The following ZNF804B variants were observed in gnomAD, a reference collection of about 807,000 sequenced individuals.
ZNF804B encodes the protein zinc finger 804B.
In ZNF804B, 80 loss-of-function variants were observed where a neutral mutation model predicts 101.4. The ratio of observed to expected loss-of-function variants is 0.79; its 90% CI spans 0.66 to 0.95. The LOEUF (loss-of-function observed/expected upper bound fraction) is 0.95, where lower values mean the gene tolerates loss of function less well. ZNF804B is among the 40% of genes least tolerant of loss of function. ZNF804B has a pLI of 0.00. For missense variants in ZNF804B, 1,673 were observed against 1,561.9 expected (o/e 1.07, Z -1.20); for synonymous variants, 622 against 558.8 (o/e 1.11, Z -1.59).
intron 1 of ZNF804B, among the ~76,000 whole-genome samples, chr7:88,982,876 G>A (rs1430891812): frequency 1.3e-5 from 2 of 151,972 alleles, no homozygotes; most frequent in Non-Finnish European, 2.9e-5. Flanking sequence ...GAAGGAATCT[G>A]ACTCCAGATC....
chr7:89,089,638 A>G (rs1249547420), intron 1 of ZNF804B, among the ~76,000 whole-genome samples: 1 of 152,054 alleles, frequency 6.6e-6, no homozygotes, highest in Non-Finnish European at 1.5e-5. Flanking sequence ...ACAACATCAA[A>G]CAAAACATCT....
Position 89,084,681 on chromosome 7 carries a change from G to A in ZNF804B, c.109-133474G>A, listed in dbSNP as rs1386526239. ...ACATTGCTGACACTGATTTCTTAAT[G>A]TCTATAAATGTCTTCAAATGTTTAG... On this transcript the variant is annotated intron_variant, in intron 1 of 3. Transcript: ENST00000333190. 1.3e-5 allele frequency among the ~76,000 whole-genome samples: 2 copies of A among 151,854 alleles called. 1 individual carries two copies. The highest frequency in any genetic ancestry group is 2.9e-5 in the Non-Finnish European group (2 of 67,914).
chr7:89,188,865 A>C (rs546340302), intron 1 of ZNF804B, among the ~76,000 whole-genome samples: 20 of 152,152 alleles, frequency 1.3e-4, no homozygotes, highest in Non-Finnish European at 2.4e-4. Context: ...CATGAGGTTT[A>C]AAGAAAGAAG....
At chr7:89,002,635 A>G (rs1179012991) in intron 1 of ZNF804B, among the ~76,000 whole-genome samples, 1 of 151,842 alleles carries the variant, frequency 6.6e-6, no homozygotes, top group African/African-American at 2.4e-5. Context: ...CTATCATGTT[A>G]TTTACCTCTA....
At chr7:89,095,207 C>T (rs1028532991) in intron 1 of ZNF804B, among the ~76,000 whole-genome samples, 1 of 151,992 alleles carries the variant, frequency 6.6e-6, no homozygotes, top group African/African-American at 2.4e-5. Context: ...GAGGCTTTGT[C>T]TTTTTTGCCC....
intron 1 of ZNF804B, among the ~76,000 whole-genome samples, chr7:89,143,942 A>G (rs571688364): frequency 6.6e-6 from 1 of 152,124 alleles, no homozygotes; most frequent in South Asian, 2.1e-4. Flanking sequence ...ATGCTGGTAT[A>G]AAAGTCAAAC....
At chr7:88,923,550 A>G (rs1252191116) in intron 1 of ZNF804B, among the ~76,000 whole-genome samples, 1 of 152,120 alleles carries the variant, frequency 6.6e-6, no homozygotes, top group Non-Finnish European at 1.5e-5. Context: ...CACCCTAGTT[A>G]TATGATGCTG....
At chr7:88,850,970 C>T (rs1385090144) in intron 1 of ZNF804B, among the ~76,000 whole-genome samples, 1 of 152,060 alleles carries the variant, frequency 6.6e-6, no homozygotes, top group Non-Finnish European at 1.5e-5. Context: ...TCAAATCAGG[C>T]TTCCAAAGAT....
chr7:89,076,788 G>T (rs1420817976), intron 1 of ZNF804B, among the ~76,000 whole-genome samples: 1 of 152,176 alleles, frequency 6.6e-6, no homozygotes, highest in Non-Finnish European at 1.5e-5. Context: ...CATGCAAACT[G>T]AAAGGGTGGA....
chr7:89,265,381 A>G (rs2115824424), intron 2 of ZNF804B, among the ~76,000 whole-genome samples: 1 of 152,316 alleles, frequency 6.6e-6, no homozygotes, highest in Non-Finnish European at 1.5e-5. Flanking sequence ...CACAAAAAGG[A>G]TGCTTTAGGC....
At chr7:89,033,585 A>G (rs928852297) in intron 1 of ZNF804B, among the ~76,000 whole-genome samples, 1 of 152,178 alleles carries the variant, frequency 6.6e-6, no homozygotes, top group African/African-American at 2.4e-5. Context: ...CCAACAGTGT[A>G]CAAGCAAAAC....
At position 89,334,746 on chromosome 7, in the gene ZNF804B, A is replaced by G. The variant is rs767784864; in HGVS notation, c.1764A>G (p.Leu588=). The change falls in exon 4 of 4, where the codon CTA becomes CTG. Residue 588 remains leucine, a synonymous_variant. Coordinates refer to ENST00000333190, the MANE Select transcript of ZNF804B (RefSeq NM_181646.5). ...PKVPLYLNTS[L]KDCAGKNNSS... ...TGCCTCTTTACCTCAACACATCTCT[A>G]AAGGATTGTGCTGGAAAGAATAATA... 1.9e-6 allele frequency: 3 copies of G among 1,613,804 alleles called. No individual in the cohort carries two copies. The highest frequency in any genetic ancestry group is 3.3e-5 in the Admixed American group (2 of 59,928).
intron 2 of ZNF804B, among the ~76,000 whole-genome samples, chr7:89,246,028 A>C (rs1789439868): frequency 2.6e-5 from 4 of 152,122 alleles, no homozygotes. Context: ...TGAGACCGAG[A>C]GCAGGATGTC....
chr7:89,336,570 G>T lies in ZNF804B; in HGVS notation c.3588G>T (p.Gln1196His), dbSNP rs1409037935. The part of the protein sequence containing the change: ...PTAFSPASTV[Q>H]TVPVHQHTSI... Reference sequence around the variant, plus strand: ...CCTTCTCTCCGGCCTCAACCGTACAGACAGTTCCAGTTCACCAGCACACTT... The same window carrying T: ...CCTTCTCTCCGGCCTCAACCGTACATACAGTTCCAGTTCACCAGCACACTT... Residue 1196 changes from glutamine (Q) to histidine (H), a missense_variant, in exon 4 of 4, where the codon CAG (glutamine) becomes CAT (histidine). Physicochemically the swap from Gln to His is conservative, Grantham distance 24. Transcript: ENST00000333190. 1 of 1,614,052 alleles carries T rather than the reference G, an allele frequency of 6.2e-7. No individual in the cohort carries two copies. The highest frequency in any genetic ancestry group is 2.2e-5 in the East Asian group (1 of 44,866).
chr7:88,809,334 TCTATCTATCTATCTATCTATCTAC>T (rs1333119433), intron 1 of ZNF804B, among the ~76,000 whole-genome samples: 18 of 130,666 alleles, frequency 1.4e-4, no homozygotes, highest in African/African-American at 2.6e-4. Context: ...TATCTATCTA[TCTATCTATCTATCTATCTATCTAC>T]CTATCTATCT....
At chr7:88,927,860 GT>G (rs916991072) in intron 1 of ZNF804B, among the ~76,000 whole-genome samples, 14 of 151,706 alleles carry the variant, frequency 9.2e-5, no homozygotes, top group African/African-American at 1.7e-4. Context: ...GCACTTATGG[GT>G]TTTTTTTAGC....
At chr7:88,926,599 C>T (rs1454222160) in intron 1 of ZNF804B, among the ~76,000 whole-genome samples, 2 of 151,802 alleles carry the variant, frequency 1.3e-5, no homozygotes, top group African/African-American at 4.8e-5. Flanking sequence ...CAGAGTGAGA[C>T]TCCATCTCAA....
chr7:88,810,668 TAA>T (rs56788857), intron 1 of ZNF804B, among the ~76,000 whole-genome samples: 1 of 145,866 alleles, frequency 6.9e-6, no homozygotes. Context: ...GTCTCACATT[TAA>T]AAAAAAAAAA....
intron 1 of ZNF804B, among the ~76,000 whole-genome samples, chr7:89,168,661 C>T (rs185423646): frequency 2.0e-4 from 30 of 150,110 alleles, no homozygotes; most frequent in African/African-American, 7.1e-4. Context: ...ATCCCTGAAT[C>T]CCTTGTAGTA....
Sources: gnomAD v4.1 joint callset for allele counts (sites outside exome capture counted in the v4.1 genomes callset) on GRCh38, gnomAD v4.1.1 for gene constraint, MANE v1.5 for transcripts, NCBI Gene and HGNC (gene_info 2026-07-23, HGNC 2026-07-21) for gene names.